ESPN: variants seen among roughly 807,000 people sequenced by gnomAD.
The protein encoded by ESPN is autosomal recessive deafness type 36 protein.
ESPN carries 68 observed loss-of-function variants against 77.7 expected under a neutral mutation model. The observed-to-expected ratio is 0.87, with a 90% CI of 0.72 to 1.07. The LOEUF (loss-of-function observed/expected upper bound fraction) is 1.07, where lower values mean the gene tolerates loss of function less well. ESPN is among the 50% of genes least tolerant of loss of function. The pLI, the probability that ESPN is intolerant of heterozygous loss-of-function variation, is 0.00. For missense variants in ESPN, 1,060 were observed against 1,239.0 expected, an observed-to-expected ratio of 0.86 and a Z score of 2.17; for synonymous variants, 449 against 567.1, an observed-to-expected ratio of 0.79 and a Z score of 2.96.
chr1:6,446,326 G>A (rs1017354248), intron 7 of ESPN, among the ~76,000 whole-genome samples: 5 of 152,168 alleles, frequency 3.3e-5, no homozygotes, highest in African/African-American at 1.2e-4. Flanking sequence ...GTCGGAGAGT[G>A]TCACCCAAGG....
In ESPN at chr1:6,451,465, C is replaced by G; in HGVS notation, c.1916-138C>G. On this transcript the variant is annotated intron_variant, in intron 8 of 12. Transcript: ENST00000645284. This position sits in a 1 kb window ranked among gnomAD's most constrained non-coding sequence, Gnocchi z 4.3. Reference sequence around the variant, plus strand: ...GAAACCTGCCTGCAGGACCTGGGATCTGGAGAGCTGCCCGCTGGCCCGGAG... The same window carrying G: ...GAAACCTGCCTGCAGGACCTGGGATGTGGAGAGCTGCCCGCTGGCCCGGAG... 1 of 1,249,566 alleles carries G rather than the reference C, an allele frequency of 8.0e-7. No individual in the cohort carries two copies. 77.4% of individuals were successfully genotyped at this position (1,249,566 alleles called of 1,614,324 possible). A position where few individuals can be genotyped will look rare whatever the true frequency, so the allele number is the denominator to read the frequency against.
chr1:6,438,567 G>C (rs1248391982), intron 2 of ESPN, among the ~76,000 whole-genome samples: 1 of 152,268 alleles, frequency 6.6e-6, no homozygotes, highest in Non-Finnish European at 1.5e-5. Context: ...CAGCTCTTCA[G>C]TCCCTGCATG....
intron 7 of ESPN, chr1:6,448,331 CCCTGGCGTCGGGG>C: frequency 3.0e-6 from 1 of 329,708 alleles, no homozygotes; most frequent in Non-Finnish European, 5.6e-6. Flanking sequence ...CGCCAGCTCC[CCCTGGCGTCGGGG>C]CTGGGCCACC....
In ESPN at chr1:6,447,946, G is replaced by T. The variant is rs544444783; in HGVS notation, c.1465-695G>T. The T allele has an allele frequency of 3.3e-5, 5 of 152,276 alleles. No homozygotes were observed. The highest frequency in any genetic ancestry group is 1.2e-4 in the African/African-American group (5 of 41,434). The allele number at this position is 152,276 out of a possible 1,614,324, so 9.4% of individuals were successfully genotyped here. On this transcript the variant is annotated intron_variant, in intron 7 of 12. Transcript: ENST00000645284. The surrounding 1 kb of genome is among the most constrained non-coding windows in gnomAD (Gnocchi z 5.2). ...CCCCCTGTGGCATCCGCGACGGCTG[G>T]GGGGGTTCAGCCTGGGATTGGCGGG...
intron 5 of ESPN, among the ~76,000 whole-genome samples, chr1:6,442,867 CAAAA>C (rs35404098): frequency 3.9e-5 from 2 of 51,196 alleles, no homozygotes; most frequent in Non-Finnish European, 7.5e-5. Context: ...GACGCTGTCT[CAAAA>C]AAAAAAAAAA....
intron 4 of ESPN, 53 bp downstream of exon 4, chr1:6,440,861 C>T: frequency 6.7e-7 from 1 of 1,494,062 alleles, no homozygotes; most frequent in Non-Finnish European, 8.9e-7. Flanking sequence ...ACCGCGCTTT[C>T]AGCACGGCCC....
At chr1:6,430,757 G>A (rs1204344667) in intron 2 of ESPN, among the ~76,000 whole-genome samples, 2 of 151,940 alleles carry the variant, frequency 1.3e-5, no homozygotes, top group African/African-American at 4.8e-5. Context: ...GGCAACAAGA[G>A]TGAAACTCTG....
intron 10 of ESPN, among the ~76,000 whole-genome samples, chr1:6,453,618 G>A (rs1186000110): frequency 6.6e-6 from 1 of 152,164 alleles, no homozygotes; most frequent in African/African-American, 2.4e-5. Context: ...AGACCTCAGT[G>A]GGGGCCAGGT....
intron 12 of ESPN, 50 bp downstream of exon 12, chr1:6,457,422 G>T: frequency 1.9e-6 from 3 of 1,613,734 alleles, no homozygotes; most frequent in Non-Finnish European, 1.7e-6. Flanking sequence ...CACCCAAGTC[G>T]CAGAGGGTCG....
rs1053324090 is a variant in ESPN at position 6,444,524 on chromosome 1, T to C, written c.1034T>C (p.Leu345Pro). 1 of 1,614,210 alleles carries C rather than the reference T, an allele frequency of 6.2e-7. No homozygotes were observed. The highest frequency in any genetic ancestry group is 8.5e-7 in the Non-Finnish European group (1 of 1,180,032). Reference protein sequence around the residue: ...RVLSRDPSAELEAKQPDSGMS... With the variant: ...RVLSRDPSAEPEAKQPDSGMS... ...CTTTCCCGGGATCCATCCGCAGAGC[T>C]GGAGGCTAAGCAGCCGGATTCAGGC... The change falls in exon 6 of 13, where the codon CTG becomes CCG. Residue 345 changes from leucine to proline, a missense_variant. Coordinates refer to ENST00000645284, the MANE Select transcript of ESPN (RefSeq NM_031475.3).
Position 6,451,273 on chromosome 1 carries a change from T to G in ESPN, c.1916-330T>G. ...CAAAGGTCAGGTGGCTGATTCCAGG[T>G]AGTGTTTTGGAGCTGGGCAGTCAGT... On this transcript the variant is annotated intron_variant, in intron 8 of 12. Coordinates refer to ENST00000645284, the MANE Select transcript of ESPN (RefSeq NM_031475.3). This position sits in a 1 kb window ranked among gnomAD's most constrained non-coding sequence, Gnocchi z 4.3. The G allele has an allele frequency of 2.4e-6, 1 of 417,970 alleles. No homozygotes were observed. Among genetic ancestry groups the G allele is most frequent in the Non-Finnish European group, 4.5e-6 (1 of 222,346 alleles). 25.9% of individuals were successfully genotyped at this position (417,970 alleles called of 1,614,324 possible).
Position 6,451,706 on chromosome 1 carries a change from GC to G in ESPN, c.2020del (p.Leu674Ter). The G allele has an allele frequency of 6.2e-7, 1 of 1,613,004 alleles. No homozygotes were observed. Among genetic ancestry groups the G allele is most frequent in the Non-Finnish European group, 8.5e-7 (1 of 1,179,882 alleles). On this transcript the variant is annotated frameshift_variant, in exon 9 of 13. Transcript: ENST00000645284. LOFTEE classifies it high-confidence loss of function. This position sits in a 1 kb window ranked among gnomAD's most constrained non-coding sequence, Gnocchi z 4.3. Reference protein sequence around the residue: ...SLKPTPQSKGLTTVFSGIGQP... With the variant: ...SLKPTPQSKGXTTVFSGIGQP... ...TGAAGCCGACGCCCCAGAGCAAGGG[GC>G]TGACCACAGTGTTCTCAGGCATCGG...
Position 6,425,029 on chromosome 1 carries a change from G to T in ESPN, c.74G>T (p.Gly25Val). The T allele has an allele frequency of 6.1e-6, 9 of 1,466,716 alleles. No homozygotes were observed. The highest frequency in any genetic ancestry group is 1.5e-5 in the African/African-American group (1 of 67,808). The allele number at this position is 1,466,716 out of a possible 1,614,324, so 90.9% of individuals were successfully genotyped here. ...GTGCTGAGGTCGCTGCACGCCGCAGGCCTCCTGGGGCCCTCGCTGCGCGAC... is the reference window on the plus strand; with the variant it reads ...GTGCTGAGGTCGCTGCACGCCGCAGTCCTCCTGGGGCCCTCGCTGCGCGAC... The part of the protein sequence containing the change: ...LDVLRSLHAA[G>V]LLGPSLRDPL... The change falls in exon 1 of 13, where the codon GGC (glycine) becomes GTC (valine). Residue 25 changes from glycine (G) to valine (V), a missense_variant. By Grantham distance (109) the Gly-to-Val change is moderately radical. Around this residue, in one of 3 missense-constraint regions of ESPN, gnomAD observed 556 missense variants for 633.6 expected, o/e 0.88. Coordinates refer to ENST00000645284, the MANE Select transcript of ESPN (RefSeq NM_031475.3).
chr1:6,454,354 A>C (rs1644010159), intron 10 of ESPN: 1 of 398,542 alleles, frequency 2.5e-6, no homozygotes, highest in Non-Finnish European at 4.4e-6. Context: ...CGGGACATGC[A>C]AAAGGCTCCC....
chr1:6,431,839 C>G (rs1003928707), intron 2 of ESPN, among the ~76,000 whole-genome samples: 3 of 152,152 alleles, frequency 2.0e-5, no homozygotes, highest in Non-Finnish European at 4.4e-5. Flanking sequence ...GTTTATTGAG[C>G]ATCTTCTATG....
chr1:6,425,952 T>C (rs79553004), intron 1 of ESPN, among the ~76,000 whole-genome samples: 11,839 of 152,268 alleles, frequency 0.078, 584 homozygotes, highest in African/African-American at 0.13. Context: ...ATGCACGCTC[T>C]TGTCCTGTCG....
rs774987977 is a variant in ESPN, at chr1:6,448,844, C to T, written c.1668C>T (p.Leu556=). The change falls in exon 8 of 13, where the codon CTC becomes CTT. Residue 556 remains leucine (L), a synonymous_variant. Transcript: ENST00000645284. The part of the protein sequence containing the change: ...RQPARAGCPR[L]GPAARGSLEG... ...CCGCGCGCGCCGGCTGCCCGCGCCT[C>T]GGCCCTGCCGCCCGCGGCTCACTCG... The T allele has an allele frequency of 8.9e-6, 11 of 1,242,160 alleles. No homozygotes were observed. The East Asian group carries it at 3.0e-4, about 34-fold the overall frequency. 76.9% of individuals were successfully genotyped at this position (1,242,160 alleles called of 1,614,324 possible). A position where few individuals can be genotyped will look rare whatever the true frequency, so the allele number is the denominator to read the frequency against.
In ESPN at chr1:6,427,190, G is replaced by T. The variant is rs1346697241; in HGVS notation, c.295-1036G>T. On this transcript the variant is annotated intron_variant, in intron 1 of 12. Transcript: ENST00000645284. This position sits in a 1 kb window ranked among gnomAD's most constrained non-coding sequence, Gnocchi z 4.6. ...GCGGGGCAGAGAGGCTTTACTCCCTGATCCTAGTGAAGTGTGTCCACTGCA... is the reference window on the plus strand; with the variant it reads ...GCGGGGCAGAGAGGCTTTACTCCCTTATCCTAGTGAAGTGTGTCCACTGCA... 2.6e-5 allele frequency among the ~76,000 whole-genome samples: 4 copies of T among 152,030 alleles called. No individual in the cohort carries two copies. The highest frequency in any genetic ancestry group is 4.4e-5 in the Non-Finnish European group (3 of 68,002).
Position 6,457,347 on chromosome 1 carries a change from C to G in ESPN, c.2406-14C>G, listed in dbSNP as rs1209170352. ...GTGGAGGTACCAAGTGACACTGTCT[C>G]TTTTTCCTTCCAGGGAGCAGAAGCG... On this transcript the variant is annotated splice_polypyrimidine_tract_variant and intron_variant, in intron 11 of 12. Transcript: ENST00000645284. 6.2e-7 allele frequency: 1 copy of G among 1,614,202 alleles called. No homozygotes were observed. The highest frequency in any genetic ancestry group is 8.5e-7 in the Non-Finnish European group (1 of 1,180,026).
Sources: allele counts gnomAD v4.1 joint callset (sites outside exome capture counted in the v4.1 genomes callset), GRCh38; gene constraint gnomAD v4.1.1; regional missense constraint gnomAD v4.1.1; non-coding constraint Gnocchi (gnomAD v3.1); transcripts MANE v1.5; gene names NCBI Gene and HGNC (gene_info 2026-07-23, HGNC 2026-07-21).